The following ITPR1 variants were observed in gnomAD, a reference collection of about 807,000 sequenced individuals.
ITPR1 encodes inositol 1,4,5-trisphosphate-gated calcium channel ITPR1.
In ITPR1, 96 loss-of-function variants were observed where a neutral mutation model predicts 318.4. The ratio of observed to expected loss-of-function variants is 0.30; its 90% confidence interval spans 0.26 to 0.36. ITPR1 has a LOEUF of 0.36. Among genes scored for constraint, ITPR1 ranks in the 10% least tolerant of loss-of-function variants. ITPR1 has a pLI of 1.00. For synonymous variants in ITPR1, 1,312 were observed against 1,289.9 expected (o/e 1.02, Z -0.37); for missense variants, 2,440 against 3,460.2 (o/e 0.71, Z 7.40).
At chr3:4,577,150 T>C (rs2088765348) in intron 4 of ITPR1, among the ~76,000 whole-genome samples, 2 of 152,130 alleles carry the variant, frequency 1.3e-5, no homozygotes, top group African/African-American at 2.4e-5. Flanking sequence ...CCCTACTGAA[T>C]ACACTTTTAT....
In ITPR1 at chr3:4,670,979, T is replaced by C. The variant is rs2094065613; in HGVS notation, c.2204+53T>C. On this transcript the variant is annotated intron_variant, in intron 20 of 61. Transcript: ENST00000649015. ...TTGGGGTGCCCCAAAACAGTGGCAC[T>C]TAGGAATTTGTTGCTCGTTTGTTGA... 6 of 1,301,460 alleles carry C rather than the reference T, an allele frequency of 4.6e-6. No individual in the cohort carries two copies. The South Asian group carries it at 1.1e-4, about 24-fold the overall frequency. 80.6% of individuals were successfully genotyped at this position (1,301,460 alleles called of 1,614,324 possible). A position where few individuals can be genotyped will look rare whatever the true frequency, so the allele number is the denominator to read the frequency against.
chr3:4,563,298 A>G (rs887103635), intron 4 of ITPR1, among the ~76,000 whole-genome samples: 4 of 152,158 alleles, frequency 2.6e-5, no homozygotes, highest in Admixed American at 2.0e-4. Flanking sequence ...GCTTGAGCCC[A>G]GGAGTTCAAG....
At chr3:4,842,248 T>C (rs924078070) in intron 61 of ITPR1, among the ~76,000 whole-genome samples, 6 of 152,228 alleles carry the variant, frequency 3.9e-5, no homozygotes, top group African/African-American at 1.4e-4. Context: ...TTTAGATGAG[T>C]CAAAAGGAGG....
intron 44 of ITPR1, among the ~76,000 whole-genome samples, chr3:4,764,971 TG>T (rs1559856134): frequency 6.6e-6 from 1 of 150,820 alleles, no homozygotes; most frequent in African/African-American, 2.4e-5. Context: ...GATGGATGGA[TG>T]GATGGATGGA....
intron 54 of ITPR1, among the ~76,000 whole-genome samples, chr3:4,802,208 C>T (rs2048277021): frequency 6.6e-6 from 1 of 152,180 alleles, no homozygotes; most frequent in South Asian, 2.1e-4. Context: ...CCAAGGAAAA[C>T]AGTGTCTTTC....
At chr3:4,606,767 C>T (rs779993911) in intron 4 of ITPR1, among the ~76,000 whole-genome samples, 2 of 152,122 alleles carry the variant, frequency 1.3e-5, no homozygotes, top group Non-Finnish European at 2.9e-5. Context: ...AGGAAAGGCT[C>T]TTGCATGACT....
intron 18 of ITPR1, 50 bp from the exon 19 acceptor site, chr3:4,669,604 C>T (rs1180289238): frequency 6.4e-7 from 1 of 1,551,744 alleles, no homozygotes; most frequent in Non-Finnish European, 8.7e-7. Context: ...GTCCAGGAGC[C>T]TAACCTCTGC....
In ITPR1 at chr3:4,683,379, C is replaced by T. The variant is rs756380974; in HGVS notation, c.3162-7C>T. 1.9e-6 allele frequency: 3 copies of T among 1,613,992 alleles called. No individual in the cohort carries two copies. The highest frequency in any genetic ancestry group is 2.5e-6 in the Non-Finnish European group (3 of 1,179,888). On this transcript the variant is annotated splice_polypyrimidine_tract_variant and splice_region_variant and intron_variant, in intron 26 of 61. Coordinates refer to ENST00000649015, the MANE Select transcript of ITPR1 (RefSeq NM_001378452.1). ...ATTTGGCCTTTCCCCACCTTGTGCT[C>T]CTTTAGTGAGGAGAACACCCCACTG... is the stretch of plus-strand genomic sequence containing the variant.
chr3:4,777,230 G>T, intron 47 of ITPR1, 34 bp from the exon 48 acceptor site: 1 of 1,315,056 alleles, frequency 7.6e-7, no homozygotes, highest in Non-Finnish European at 1.1e-6. Flanking sequence ...TATGACCAGC[G>T]TTTGTGTGAA....
rs2051841737 is a variant in ITPR1 at position 4,847,130 on chromosome 3, TTTA to T, written c.*908_*910del. 1 of 152,498 alleles carries T rather than the reference TTTA, an allele frequency of 6.6e-6. No individual in the cohort carries two copies. Among genetic ancestry groups the T allele is most frequent in the African/African-American group, 2.4e-5 (1 of 41,410 alleles). 9.4% of individuals were successfully genotyped at this position (152,498 alleles called of 1,614,324 possible). On this transcript the variant is annotated 3_prime_UTR_variant, in exon 62 of 62. Coordinates refer to ENST00000649015, the MANE Select transcript of ITPR1 (RefSeq NM_001378452.1). ...AGATTATCTAGTCCAAACAATAGAG[TTTA>T]TTTTTTCTTCATCTGAACCAACATG...
intron 43 of ITPR1, among the ~76,000 whole-genome samples, chr3:4,733,580 G>C (rs554421159): frequency 4.6e-5 from 7 of 152,304 alleles, no homozygotes; most frequent in Non-Finnish European, 8.8e-5. Flanking sequence ...ACCCAGGATA[G>C]TGAAAGCTGC....
intron 10 of ITPR1, among the ~76,000 whole-genome samples, chr3:4,646,661 C>T (rs944253144): frequency 6.6e-6 from 1 of 152,042 alleles, no homozygotes; most frequent in African/African-American, 2.4e-5. Flanking sequence ...AAGATTCTGC[C>T]CACAGCATGT....
chr3:4,567,109 T>A (rs1012321556), intron 4 of ITPR1, among the ~76,000 whole-genome samples: 1 of 152,180 alleles, frequency 6.6e-6, no homozygotes, highest in African/African-American at 2.4e-5. Context: ...TGGAATGTTG[T>A]GAGAGTTAAA....
At chr3:4,562,756 A>G (rs2086811985) in intron 4 of ITPR1, among the ~76,000 whole-genome samples, 1 of 151,272 alleles carries the variant, frequency 6.6e-6, no homozygotes, top group African/African-American at 2.4e-5. Flanking sequence ...AAGTGCGTGC[A>G]GTGCACTGTG....
chr3:4,568,364 A>C (rs2087601134), intron 4 of ITPR1, among the ~76,000 whole-genome samples: 1 of 152,198 alleles, frequency 6.6e-6, no homozygotes, highest in Non-Finnish European at 1.5e-5. Flanking sequence ...TGCTCACTCC[A>C]CAGAGCTTTG....
At chr3:4,661,259 A>G (rs2093826742) in intron 14 of ITPR1, among the ~76,000 whole-genome samples, 172 bp downstream of exon 14, 1 of 152,160 alleles carries the variant, frequency 6.6e-6, no homozygotes, top group Admixed American at 6.5e-5. Context: ...ACCTGAGTGG[A>G]GCAAACCCAG....
In ITPR1 at chr3:4,762,144, C is replaced by T. The variant is rs1358205439; in HGVS notation, c.5545-4386C>T. On this transcript the variant is annotated intron_variant, in intron 44 of 61. Coordinates refer to ENST00000649015, the MANE Select transcript of ITPR1 (RefSeq NM_001378452.1). ...CACTGCTTCTGTTCTAGAAACCCCA[C>T]TTCTTTCTTCGGGGGTACCTTTTTA... 5.3e-5 allele frequency among the ~76,000 whole-genome samples: 8 copies of T among 151,672 alleles called. No homozygotes were observed. In the East Asian group the frequency reaches 1.5e-3, roughly 29 times the overall value.
Position 4,669,658 on chromosome 3 carries a change from T to C in ITPR1, c.1891T>C (p.Leu631=). Residue 631 remains leucine, a synonymous_variant, in exon 19 of 62, where the codon TTA becomes CTA. Coordinates refer to ENST00000649015, the MANE Select transcript of ITPR1 (RefSeq NM_001378452.1). ...TTTGTTTCTGTTTCTGTTTAGATTC[T>C]TAGATTACCTCTCCGACCTCTGTGT... The part of the protein sequence containing the change: ...LVRKNREPRF[L]DYLSDLCVSM... 6.2e-7 allele frequency: 1 copy of C among 1,611,718 alleles called. No individual in the cohort carries two copies. The highest frequency in any genetic ancestry group is 1.7e-4 in the Middle Eastern group (1 of 6,048).
At chr3:4,674,081 A>G in intron 21 of ITPR1, 121 bp from the exon 22 acceptor site, 1 of 711,302 alleles carries the variant, frequency 1.4e-6, no homozygotes, top group East Asian at 2.8e-5. Flanking sequence ...GGGAAAAAAT[A>G]AAGTAGGGTC....
Sources: allele counts gnomAD v4.1 joint callset (sites outside exome capture counted in the v4.1 genomes callset), GRCh38; gene constraint gnomAD v4.1.1; transcripts MANE v1.5; gene names NCBI Gene and HGNC (gene_info 2026-07-23, HGNC 2026-07-21).